Variants in ZFPM1 observed in about 807,000 individuals in gnomAD.
ZFPM1 encodes zinc finger protein ZFPM1.
In ZFPM1, 28 loss-of-function variants were observed where a neutral mutation model predicts 46.3. The ratio of observed to expected loss-of-function variants is 0.60; its 90% CI spans 0.45 to 0.83. The LOEUF (loss-of-function observed/expected upper bound fraction) is 0.83. Among genes scored for constraint, ZFPM1 ranks in the 40% least tolerant of loss-of-function variants. The pLI, the probability that ZFPM1 is intolerant of heterozygous loss-of-function variation, is 0.00. For synonymous variants in ZFPM1, 957 were observed against 675.9 expected, an observed-to-expected ratio of 1.42 and a Z score of -6.45; for missense variants, 1,878 against 1,432.4, an observed-to-expected ratio of 1.31 and a Z score of -5.02.
rs1567525742 is a variant in ZFPM1, at chr16:88,461,145, AGGACCGAGGGGCGGGAGACC to A, written c.40+7468_40+7487del. Among the ~76,000 whole-genome samples the A allele has an allele frequency of 2.0e-4, 16 of 80,466 alleles. 2 individuals are homozygous for A. Among genetic ancestry groups the A allele is most frequent in the African/African-American group, 1.0e-3 (15 of 14,790 alleles). The allele number at this position is 80,466 out of a possible 152,430, so 52.8% of individuals were successfully genotyped here. On this transcript the variant is annotated intron_variant, in intron 1 of 9. Transcript: ENST00000319555. ...CAGGGATGGGGCGGGAGACCTGGTG[AGGACCGAGGGGCGGGAGACC>A]TGGTGAGGACCGAGGGGCGGGGCGG...
At chr16:88,486,129 C>G in intron 2 of ZFPM1, 86 bp downstream of exon 2, 1 of 1,385,110 alleles carries the variant, frequency 7.2e-7, no homozygotes, top group Non-Finnish European at 9.9e-7. Context: ...TCAGTGGTGT[C>G]TGAGAGGTGT....
intron 3 of ZFPM1, among the ~76,000 whole-genome samples, chr16:88,505,301 C>G (rs951978870): frequency 6.6e-6 from 1 of 152,166 alleles, no homozygotes; most frequent in Non-Finnish European, 1.5e-5. Context: ...CAGCTAGGGC[C>G]TCGGCGAGGA....
At position 88,533,673 on chromosome 16, in the gene ZFPM1, G is replaced by T; in HGVS notation, c.1715G>T (p.Gly572Val). The T allele has an allele frequency of 6.7e-7, 1 of 1,489,032 alleles. No individual in the cohort carries two copies. Among genetic ancestry groups the T allele is most frequent in the South Asian group, 1.2e-5 (1 of 81,590 alleles). 92.2% of individuals were successfully genotyped at this position (1,489,032 alleles called of 1,614,324 possible). A position where few individuals can be genotyped will look rare whatever the true frequency, so the allele number is the denominator to read the frequency against. Reference protein sequence around the residue: ...AGGAQTGLFPGAPKGATCFEC... With the variant: ...AGGAQTGLFPVAPKGATCFEC... ...GGCGCGCAGACCGGGCTCTTCCCCG[G>T]GGCCCCCAAGGGCGCTACGTGCTTC... The change falls in exon 10 of 10, where the codon GGG (glycine) becomes GTG (valine). Residue 572 changes from glycine to valine, a missense_variant. Gly to Val is a moderately radical substitution (Grantham distance 109, BLOSUM62 -3). Coordinates refer to ENST00000319555, the MANE Select transcript of ZFPM1 (RefSeq NM_153813.3).
intron 1 of ZFPM1, among the ~76,000 whole-genome samples, chr16:88,481,715 C>T (rs1341376412): frequency 6.6e-6 from 1 of 152,048 alleles, no homozygotes; most frequent in African/African-American, 2.4e-5. Flanking sequence ...CTGCTGAGGT[C>T]TGTGTGGGCT....
At position 88,497,821 on chromosome 16, in the gene ZFPM1, C is replaced by G. The variant is rs537784774; in HGVS notation, c.268+8668C>G. Among the ~76,000 whole-genome samples the G allele has an allele frequency of 1.8e-4, 28 of 152,290 alleles. No individual in the cohort carries two copies. Among genetic ancestry groups the G allele is most frequent in the African/African-American group, 6.5e-4 (27 of 41,576 alleles). ...TCCTCACCCGAGTGTGTGAGGGCGT[C>G]GGGCTGGTTATCTGGGCCGAGCTCC... On this transcript the variant is annotated intron_variant, in intron 3 of 9. Coordinates refer to ENST00000319555, the MANE Select transcript of ZFPM1 (RefSeq NM_153813.3). The surrounding 1 kb of genome is among the most constrained non-coding windows in gnomAD (Gnocchi z 5.4).
At chr16:88,483,213 G>A (rs991049186) in intron 1 of ZFPM1, among the ~76,000 whole-genome samples, 7 of 152,076 alleles carry the variant, frequency 4.6e-5, no homozygotes, top group Admixed American at 6.5e-5. Flanking sequence ...AAAGGCTGCA[G>A]CTAGGAGAGT....
intron 1 of ZFPM1, among the ~76,000 whole-genome samples, chr16:88,473,224 C>G (rs968180975): frequency 6.6e-6 from 1 of 152,262 alleles, no homozygotes; most frequent in Non-Finnish European, 1.5e-5. Context: ...GGGGTGAATC[C>G]TGCTCCTGGC....
rs533571242 is a variant in ZFPM1 at position 88,536,503 on chromosome 16, T to C, written c.*1524T>C. The C allele has an allele frequency of 2.0e-5, 3 of 152,326 alleles. No individual in the cohort carries two copies. The highest frequency in any genetic ancestry group is 1.9e-4 in the East Asian group (1 of 5,186). The allele number at this position is 152,326 out of a possible 1,614,324, so 9.4% of individuals were successfully genotyped here. On this transcript the variant is annotated 3_prime_UTR_variant, in exon 10 of 10. Transcript: ENST00000319555. ...TCCAACTCTACTTGAACTAGCTGCA[T>C]TTTTTTCAGCTTTGCCCAGCAGCCC...
chr16:88,492,626 C>T (rs550259136), intron 3 of ZFPM1, among the ~76,000 whole-genome samples: 5 of 152,350 alleles, frequency 3.3e-5, no homozygotes, highest in East Asian at 3.9e-4. Context: ...ACCCCGACCC[C>T]GGTTAGACCC....
intron 3 of ZFPM1, among the ~76,000 whole-genome samples, chr16:88,500,786 C>G (rs1597254474): frequency 6.6e-6 from 1 of 152,234 alleles, no homozygotes; most frequent in South Asian, 2.1e-4. Flanking sequence ...TGGGGCAGGG[C>G]AGGGCCCACA....
intron 1 of ZFPM1, among the ~76,000 whole-genome samples, chr16:88,474,140 T>G (rs1908558719): frequency 6.6e-6 from 1 of 152,142 alleles, no homozygotes; most frequent in African/African-American, 2.4e-5. Context: ...AACCAATCTC[T>G]CCCCTATCAG....
rs1357724933 is a variant in ZFPM1, at chr16:88,535,583, T to G, written c.*604T>G. Reference sequence around the variant, plus strand: ...AGGGGTGGGGGCGCCCTGGGGAGGATGAAGCCCTGTGGTGGCCAAGGCTGG... The same window carrying G: ...AGGGGTGGGGGCGCCCTGGGGAGGAGGAAGCCCTGTGGTGGCCAAGGCTGG... On this transcript the variant is annotated 3_prime_UTR_variant, in exon 10 of 10. Coordinates refer to ENST00000319555, the MANE Select transcript of ZFPM1 (RefSeq NM_153813.3). 6.6e-6 allele frequency: 1 copy of G among 152,478 alleles called. No homozygotes were observed. Among genetic ancestry groups the G allele is most frequent in the Non-Finnish European group, 1.5e-5 (1 of 68,258 alleles). 9.4% of individuals were successfully genotyped at this position (152,478 alleles called of 1,614,324 possible).
In ZFPM1 at chr16:88,489,094, G is replaced by C. The variant is rs34916016; in HGVS notation, c.209G>C (p.Gly70Ala). ...CCAGGAGGCCCCAAGGAGCTGGAAGGACAGGAACCAGAACCCAGGCCCACG... is the reference window on the plus strand; with the variant it reads ...CCAGGAGGCCCCAAGGAGCTGGAAGCACAGGAACCAGAACCCAGGCCCACG... ...TSPGGPKELE[G>A]QEPEPRPTEE... The change falls in exon 3 of 10, where the codon GGA (glycine) becomes GCA (alanine). Residue 70 changes from glycine to alanine, a missense_variant. By Grantham distance (60) the Gly-to-Ala change is moderately conservative. Transcript: ENST00000319555. The C allele has an allele frequency of 1.9e-3, 3,085 of 1,613,016 alleles. 42 individuals carry two copies. The African/African-American group carries it at 0.036, about 19-fold the overall frequency.
chr16:88,526,579 C>G (rs1020139513), intron 4 of ZFPM1, among the ~76,000 whole-genome samples: 12 of 152,212 alleles, frequency 7.9e-5, no homozygotes, highest in African/African-American at 2.7e-4. Flanking sequence ...CTGGAAGGTA[C>G]TACTCCCTGC....
At chr16:88,456,249 C>A (rs1738083139) in intron 1 of ZFPM1, among the ~76,000 whole-genome samples, 1 of 152,228 alleles carries the variant, frequency 6.6e-6, no homozygotes, top group African/African-American at 2.4e-5. Flanking sequence ...GAGGACACCC[C>A]GCCCCGAGTC....
intron 4 of ZFPM1, among the ~76,000 whole-genome samples, chr16:88,515,683 G>A (rs113267485): frequency 4.6e-5 from 7 of 152,226 alleles, no homozygotes; most frequent in Non-Finnish European, 4.4e-5. Flanking sequence ...GCCTGGCCCC[G>A]TGGCCTGGAG....
Position 88,532,157 on chromosome 16 carries a change from C to A in ZFPM1, c.868C>A (p.Arg290Ser). ...EKPKETYPNE[R>S]VCPFPQCRKS... Reference sequence around the variant, plus strand: ...GCCCAAAGAGACCTACCCCAACGAGCGCGTCTGCCCCTTCCCCCAGTGCCG... The same window carrying A: ...GCCCAAAGAGACCTACCCCAACGAGAGCGTCTGCCCCTTCCCCCAGTGCCG... Residue 290 changes from arginine (R) to serine (S), a missense_variant, in exon 7 of 10, where the codon CGC (arginine) becomes AGC (serine). Coordinates refer to ENST00000319555, the MANE Select transcript of ZFPM1 (RefSeq NM_153813.3). 1 of 1,612,528 alleles carries A rather than the reference C, an allele frequency of 6.2e-7. No individual in the cohort carries two copies. Among genetic ancestry groups the A allele is most frequent in the Non-Finnish European group, 8.5e-7 (1 of 1,179,728 alleles).
At chr16:88,490,409 G>A (rs533114507) in intron 3 of ZFPM1, among the ~76,000 whole-genome samples, 4 of 152,374 alleles carry the variant, frequency 2.6e-5, no homozygotes, top group Non-Finnish European at 4.4e-5. Flanking sequence ...GCAGATGGCC[G>A]ATGCAGAGCG....
intron 1 of ZFPM1, among the ~76,000 whole-genome samples, chr16:88,454,417 TG>T (rs1907443361): frequency 2.6e-5 from 4 of 152,196 alleles, no homozygotes; most frequent in African/African-American, 9.7e-5. Context: ...CAAGGCGGCA[TG>T]GGCAACAAAT....
Sources: allele counts gnomAD v4.1 joint callset (sites outside exome capture counted in the v4.1 genomes callset), GRCh38; gene constraint gnomAD v4.1.1; non-coding constraint Gnocchi (gnomAD v3.1); transcripts MANE v1.5; gene names NCBI Gene and HGNC (gene_info 2026-07-23, HGNC 2026-07-21).